ARVCF: variants seen among roughly 807,000 people sequenced by gnomAD.
ARVCF encodes ARVCF delta catenin family member.
ARVCF carries 66 observed loss-of-function variants against 90.9 expected under a neutral mutation model. That is an observed-to-expected ratio of 0.73 (90% confidence interval 0.60 to 0.89). The LOEUF (loss-of-function observed/expected upper bound fraction) is 0.89. Among genes scored for constraint, ARVCF ranks in the 40% least tolerant of loss-of-function variants. The pLI is 0.00. For missense variants in ARVCF, 1,469 were observed against 1,382.3 expected, an observed-to-expected ratio of 1.06 and a Z score of -1.00; for synonymous variants, 653 against 603.4, an observed-to-expected ratio of 1.08 and a Z score of -1.21.
In ARVCF at chr22:19,979,084, T is replaced by TG; in HGVS notation, c.1397-5dup. 1 of 1,610,674 alleles carries TG rather than the reference T, an allele frequency of 6.2e-7. No homozygotes were observed. Among genetic ancestry groups the TG allele is most frequent in the Non-Finnish European group, 8.5e-7 (1 of 1,177,900 alleles). ...GATGACAGGTTCCACAGGGTGCCTG[T>TG]GGGGTGCGATTGGCCAATCTGTGCT... On this transcript the variant is annotated splice_polypyrimidine_tract_variant and splice_region_variant and intron_variant, in intron 6 of 19. Transcript: ENST00000263207.
chr22:19,973,263 G>T lies in ARVCF; in HGVS notation c.2294C>A (p.Pro765Gln). 1 of 1,608,658 alleles carries T rather than the reference G, an allele frequency of 6.2e-7. No homozygotes were observed. The highest frequency in any genetic ancestry group is 8.5e-7 in the Non-Finnish European group (1 of 1,178,808). ...TTCCTCCAGGCAGGCCCCCGGTCGC[G>T]GCGGAGCCTGTGCATTGCGCACATT... The part of the protein sequence containing the change: ...VRNVRNAQAP[P>Q]RPGACLEEDT... Residue 765 changes from proline (P) to glutamine (Q), a missense_variant, in exon 14 of 20, where the codon CCG becomes CAG. Coordinates refer to ENST00000263207, the MANE Select transcript of ARVCF (RefSeq NM_001670.3).
rs1295063179 is a variant in ARVCF at position 19,973,281 on chromosome 22, C to G, written c.2276G>C (p.Arg759Pro). 3 of 1,605,710 alleles carry G rather than the reference C, an allele frequency of 1.9e-6. No homozygotes were observed. The South Asian group carries it at 3.3e-5, about 18-fold the overall frequency. ...YAMAELVRNV[R>P]NAQAPPRPGA... ...CGGTCGCGGCGGAGCCTGTGCATTG[C>G]GCACATTCCGCACAAGCTCAGCCAT... Residue 759 changes from arginine to proline, a missense_variant, in exon 14 of 20, where the codon CGC (arginine) becomes CCC (proline). Arg to Pro is a moderately radical substitution (Grantham distance 103, BLOSUM62 -2). Coordinates refer to ENST00000263207, the MANE Select transcript of ARVCF (RefSeq NM_001670.3).
intron 2 of ARVCF, among the ~76,000 whole-genome samples, chr22:20,007,289 C>A (rs1944664577): frequency 6.6e-6 from 1 of 152,170 alleles, no homozygotes; most frequent in Non-Finnish European, 1.5e-5. Context: ...GTAATCCCAG[C>A]TACTCGGGAG....
chr22:20,003,511 T>C (rs2146457667), intron 2 of ARVCF, among the ~76,000 whole-genome samples: 1 of 152,290 alleles, frequency 6.6e-6, no homozygotes, highest in Non-Finnish European at 1.5e-5. Flanking sequence ...AGCTGCATTT[T>C]ACAAGAATTA....
At chr22:19,979,433 C>T (rs1943352960) in intron 6 of ARVCF, 6 of 534,838 alleles carry the variant, frequency 1.1e-5, no homozygotes, top group Admixed American at 6.8e-5. Context: ...CACCACTGCA[C>T]GGTTGGGGTG....
chr22:20,016,647 G>A lies in ARVCF; in HGVS notation c.-131C>T, dbSNP rs938552360. The A allele has an allele frequency of 4.0e-5, 6 of 151,410 alleles. No individual in the cohort carries two copies. Among genetic ancestry groups the A allele is most frequent in the Admixed American group, 6.6e-5 (1 of 15,216 alleles). 9.4% of individuals were successfully genotyped at this position (151,410 alleles called of 1,614,324 possible). A position where few individuals can be genotyped will look rare whatever the true frequency, so the allele number is the denominator to read the frequency against. ...CCTCGGACCCCAGAAGGGCTTCCCCGGGTCCGTTGGCGCGCGGGGAGCGGC... is the reference window on the plus strand; with the variant it reads ...CCTCGGACCCCAGAAGGGCTTCCCCAGGTCCGTTGGCGCGCGGGGAGCGGC... On this transcript the variant is annotated 5_prime_UTR_variant, in exon 1 of 20. Transcript: ENST00000263207.
chr22:19,978,264 G>A (rs546791730), intron 7 of ARVCF, among the ~76,000 whole-genome samples, 189 bp from the exon 8 acceptor site: 1 of 152,216 alleles, frequency 6.6e-6, no homozygotes, highest in Non-Finnish European at 1.5e-5. Flanking sequence ...GGCCTCAGGA[G>A]GGGAGCCCTG....
chr22:19,995,708 A>G (rs1944223348), intron 2 of ARVCF, among the ~76,000 whole-genome samples: 1 of 152,140 alleles, frequency 6.6e-6, no homozygotes, highest in African/African-American at 2.4e-5. Context: ...CAGGCCAGTG[A>G]AGGGTGGCAG....
At position 19,970,548 on chromosome 22, in the gene ARVCF, C is replaced by T. The variant is rs1942696333; in HGVS notation, c.*208G>A. Reference sequence around the variant, plus strand: ...CAGCACCATGTCAGTAAACAGCTAACTCAGGCCTAGGGAGTTAGGTAGGAT... The same window carrying T: ...CAGCACCATGTCAGTAAACAGCTAATTCAGGCCTAGGGAGTTAGGTAGGAT... On this transcript the variant is annotated 3_prime_UTR_variant, in exon 20 of 20. Transcript: ENST00000263207. 1 of 1,184,940 alleles carries T rather than the reference C, an allele frequency of 8.4e-7. No homozygotes were observed. The highest frequency in any genetic ancestry group is 1.1e-6 in the Non-Finnish European group (1 of 940,392). 73.4% of individuals were successfully genotyped at this position (1,184,940 alleles called of 1,614,324 possible).
chr22:20,000,356 G>A (rs1180372551), intron 2 of ARVCF, among the ~76,000 whole-genome samples: 1 of 152,248 alleles, frequency 6.6e-6, no homozygotes, highest in Non-Finnish European at 1.5e-5. Context: ...CCACTCCGGA[G>A]TGCCCATGGC....
At chr22:19,971,393 G>T (rs1942774489) in intron 18 of ARVCF, 58 bp from the exon 19 acceptor site, 4 of 1,515,768 alleles carry the variant, frequency 2.6e-6, no homozygotes, top group East Asian at 4.9e-5. Context: ...AGAGCTCCTG[G>T]GGGGACAGGG....
Position 19,981,375 on chromosome 22 carries a change from T to C in ARVCF, c.732A>G (p.Pro244=). 6.2e-7 allele frequency: 1 copy of C among 1,601,524 alleles called. No individual in the cohort carries two copies. The part of the protein sequence containing the change: ...EAFPVGPEPG[P]PGGRSLPERF... ...GCTCGGGCAGGGAGCGGCCACCTGG[T>C]GGCCCAGGCTCAGGACCCACCGGGA... The change falls in exon 5 of 20, where the codon CCA becomes CCG. Residue 244 remains proline, a synonymous_variant. Coordinates refer to ENST00000263207, the MANE Select transcript of ARVCF (RefSeq NM_001670.3).
intron 2 of ARVCF, among the ~76,000 whole-genome samples, chr22:20,006,374 G>A (rs1234421014): frequency 5.3e-5 from 8 of 151,706 alleles, no homozygotes; most frequent in African/African-American, 1.7e-4. Flanking sequence ...TCAGGAGATC[G>A]AGACCATCCT....
intron 14 of ARVCF, 25 bp downstream of exon 14, chr22:19,973,094 A>G: frequency 5.2e-6 from 8 of 1,550,994 alleles, no homozygotes; most frequent in South Asian, 4.5e-5. Flanking sequence ...CGGCTCCCCA[A>G]GCCACCGACC....
chr22:19,971,456 A>G lies in ARVCF; in HGVS notation c.2782-121T>C, dbSNP rs572281544. On this transcript the variant is annotated intron_variant, in intron 18 of 19. Transcript: ENST00000263207. ...AAGGGTTGGCCTGCCAGGACAGCAC[A>G]GGTAGCACCAAGGGCGCAGGGAGCC... 8.0e-6 allele frequency: 10 copies of G among 1,253,296 alleles called. No individual in the cohort carries two copies. In the African/African-American group the frequency reaches 1.2e-4, roughly 15 times the overall value. 77.6% of individuals were successfully genotyped at this position (1,253,296 alleles called of 1,614,324 possible). A position where few individuals can be genotyped will look rare whatever the true frequency, so the allele number is the denominator to read the frequency against.
At chr22:20,013,268 C>A (rs1015673911) in intron 1 of ARVCF, among the ~76,000 whole-genome samples, 2 of 152,218 alleles carry the variant, frequency 1.3e-5, no homozygotes, top group Non-Finnish European at 2.9e-5. Flanking sequence ...ACAGACCACA[C>A]CTGGGAAGGC....
rs191118132 is a variant in ARVCF at position 19,977,870 on chromosome 22, C to T, written c.1698+88G>A. On this transcript the variant is annotated intron_variant, in intron 8 of 19. Transcript: ENST00000263207. Reference sequence around the variant, plus strand: ...ACCCCAGACCCACAAGCCCATTCCCCTGTGCTGCTCCCACAGTTCCAGCCT... The same window carrying T: ...ACCCCAGACCCACAAGCCCATTCCCTTGTGCTGCTCCCACAGTTCCAGCCT... 2.2e-5 allele frequency: 31 copies of T among 1,423,176 alleles called. No individual in the cohort carries two copies. In the African/African-American group the frequency reaches 4.3e-4, roughly 20 times the overall value. The allele number at this position is 1,423,176 out of a possible 1,614,324, so 88.2% of individuals were successfully genotyped here. A position where few individuals can be genotyped will look rare whatever the true frequency, so the allele number is the denominator to read the frequency against.
intron 11 of ARVCF, among the ~76,000 whole-genome samples, chr22:19,975,412 T>G (rs1943096661): frequency 6.6e-6 from 1 of 152,178 alleles, no homozygotes. Context: ...TCCCACCTCT[T>G]ACGCACCGTG....
rs200370781 is a variant in ARVCF at position 19,974,177 on chromosome 22, G to A, written c.2023C>T (p.Arg675Trp). The stretch of plus-strand genomic sequence containing the variant: ...GCAGCCTCCAGGGTGTTGAAGTTCC[G>A]GCTCTCCGTGAGGAGGGAGAGGTAG... ...RLYLSLLTES[R>W]NFNTLEAAAG... is the part of the protein sequence containing the mutation. The change falls in exon 12 of 20, where the codon CGG becomes TGG. Residue 675 changes from arginine (R) to tryptophan (W), a missense_variant. Coordinates refer to ENST00000263207, the MANE Select transcript of ARVCF (RefSeq NM_001670.3). 3 of 1,612,946 alleles carry A rather than the reference G, an allele frequency of 1.9e-6. No homozygotes were observed. The highest frequency in any genetic ancestry group is 1.7e-5 in the Admixed American group (1 of 60,008).
Sources: allele counts gnomAD v4.1 joint callset (sites outside exome capture counted in the v4.1 genomes callset), GRCh38; gene constraint gnomAD v4.1.1; transcripts MANE v1.5; gene names NCBI Gene and HGNC (gene_info 2026-07-23, HGNC 2026-07-21).